Variants in NEK10 observed in about 807,000 individuals in gnomAD.
NEK10 encodes serine/threonine-protein kinase Nek10.
A neutral mutation model predicts 159.8 loss-of-function variants in NEK10; 122 were observed. The observed-to-expected ratio is 0.76, with a 90% confidence interval of 0.66 to 0.89. The LOEUF (loss-of-function observed/expected upper bound fraction) is 0.89. NEK10 is among the 40% of genes least tolerant of loss of function. The pLI is 0.00. For synonymous variants in NEK10, 466 were observed against 457.1 expected (o/e 1.02, Z -0.25); for missense variants, 1,342 against 1,323.1 (o/e 1.01, Z -0.22).
intron 29 of NEK10, among the ~76,000 whole-genome samples, chr3:27,164,313 T>C (rs147033039): frequency 1.4e-4 from 22 of 152,322 alleles, no homozygotes; most frequent in African/African-American, 5.3e-4. Flanking sequence ...CAGTTCCTTG[T>C]ATGCCTGCAC....
intron 22 of NEK10, among the ~76,000 whole-genome samples, chr3:27,262,153 A>T (rs989298516): frequency 1.3e-5 from 2 of 152,104 alleles, no homozygotes; most frequent in African/African-American, 4.8e-5. Context: ...AATGTTGAAT[A>T]TTGGCCCCAA....
At chr3:27,198,659 A>G (rs778500343) in intron 25 of NEK10, among the ~76,000 whole-genome samples, 45 of 152,242 alleles carry the variant, frequency 3.0e-4, no homozygotes, top group Non-Finnish European at 1.5e-4. Flanking sequence ...CTCAAGACAG[A>G]TTAAAGACTT....
Position 27,203,143 on chromosome 3 carries a change from A to G in NEK10, c.2091-586T>C, listed in dbSNP as rs145117821. Among the ~76,000 whole-genome samples, 704 of 152,274 alleles carry G rather than the reference A, an allele frequency of 4.6e-3. 3 individuals carry two copies. Among genetic ancestry groups the G allele is most frequent in the Non-Finnish European group, 7.0e-3 (478 of 68,014 alleles). On this transcript the variant is annotated intron_variant, in intron 23 of 35. Transcript: ENST00000691995. ...CTGGGCCCAGCATAAGACACACAGA[A>G]CCAGTCTGCCCCCAGACAACCCATA...
At chr3:27,250,539 T>C (rs1955545572) in intron 23 of NEK10, among the ~76,000 whole-genome samples, 1 of 152,184 alleles carries the variant, frequency 6.6e-6, no homozygotes, top group Non-Finnish European at 1.5e-5. Flanking sequence ...TTCTTATTCC[T>C]CATTAATGCC....
At position 27,109,945 on chromosome 3, in the gene NEK10, G is replaced by A. The variant is rs538709453; in HGVS notation, c.*1327C>T. 1 of 152,264 alleles carries A rather than the reference G, an allele frequency of 6.6e-6. No homozygotes were observed. The highest frequency in any genetic ancestry group is 2.1e-4 in the South Asian group (1 of 4,824). The allele number at this position is 152,264 out of a possible 1,614,324, so 9.4% of individuals were successfully genotyped here. On this transcript the variant is annotated 3_prime_UTR_variant, in exon 36 of 36. Coordinates refer to ENST00000691995, the MANE Select transcript of NEK10 (RefSeq NM_001394966.1). ...TGGATATAATTTAAGTATTAAATAT[G>A]CTCATTTAAAAATAGTGTAGATTTT...
At chr3:27,311,768 A>G in intron 8 of NEK10, 1 of 280,122 alleles carries the variant, frequency 3.6e-6, no homozygotes, top group Non-Finnish European at 6.7e-6. Flanking sequence ...ATCATGATTA[A>G]CCCAACTTTA....
At chr3:27,229,819 A>G (rs1953044206) in intron 23 of NEK10, among the ~76,000 whole-genome samples, 1 of 152,092 alleles carries the variant, frequency 6.6e-6, no homozygotes, top group African/African-American at 2.4e-5. Flanking sequence ...TCAGTCAAAG[A>G]TAAAGAAAAA....
chr3:27,255,106 T>C (rs564252990), intron 23 of NEK10: 6 of 161,654 alleles, frequency 3.7e-5, no homozygotes, highest in Non-Finnish European at 8.3e-5. Flanking sequence ...TATGATTACT[T>C]GACACTTTTA....
At chr3:27,309,136 G>T in intron 9 of NEK10, 131 bp from the exon 10 acceptor site, 4 of 457,294 alleles carry the variant, frequency 8.7e-6, no homozygotes, top group Admixed American at 4.0e-5. Flanking sequence ...GATCATATAG[G>T]CTTAACTGTT....
intron 23 of NEK10, among the ~76,000 whole-genome samples, chr3:27,220,191 T>A (rs770053219): frequency 6.6e-6 from 1 of 152,246 alleles, no homozygotes; most frequent in African/African-American, 2.4e-5. Context: ...TTCAGTGGTT[T>A]AGAACACACA....
chr3:27,221,441 A>G (rs540987421), intron 23 of NEK10, among the ~76,000 whole-genome samples: 118 of 152,384 alleles, frequency 7.7e-4, no homozygotes, highest in African/African-American at 2.3e-3. Flanking sequence ...ATGATCCAAA[A>G]GACAGATTAA....
chr3:27,284,940 A>G lies in NEK10; in HGVS notation c.1811T>C (p.Met604Thr), dbSNP rs769418963. The stretch of plus-strand genomic sequence containing the variant: ...AAGCGGGGCTCCTTCTATCAGCTCC[A>G]TAACTATGTACAACCTATCATCTAT... ...FLENDRLYIV[M>T]ELIEGAPLGE... Residue 604 changes from methionine (M) to threonine (T), a missense_variant, in exon 21 of 36, where the codon ATG (methionine) becomes ACG (threonine). By Grantham distance (81) the Met-to-Thr change is moderately conservative (BLOSUM62 -1). Transcript: ENST00000691995. The G allele has an allele frequency of 3.7e-6, 6 of 1,606,988 alleles. No individual in the cohort carries two copies. Among genetic ancestry groups the G allele is most frequent in the Admixed American group, 1.7e-5 (1 of 59,678 alleles).
At chr3:27,312,998 AG>A (rs1302137633) in intron 7 of NEK10, among the ~76,000 whole-genome samples, 3 of 152,062 alleles carry the variant, frequency 2.0e-5, no homozygotes, top group Non-Finnish European at 2.9e-5. Context: ...AACATTATAC[AG>A]GTTTTAGGAG....
intron 22 of NEK10, among the ~76,000 whole-genome samples, chr3:27,264,705 A>G (rs942909242): frequency 1.3e-5 from 2 of 152,144 alleles, no homozygotes; most frequent in African/African-American, 2.4e-5. Context: ...CACCCTGGCC[A>G]ACATGGGGAT....
intron 5 of NEK10, among the ~76,000 whole-genome samples, chr3:27,331,958 A>C (rs1383105124): frequency 6.6e-6 from 1 of 152,170 alleles, no homozygotes; most frequent in Non-Finnish European, 1.5e-5. Flanking sequence ...ATTTTTTTGC[A>C]AATAAGGTCA....
At chr3:27,211,913 T>C (rs1323514313) in intron 23 of NEK10, among the ~76,000 whole-genome samples, 1 of 152,266 alleles carries the variant, frequency 6.6e-6, no homozygotes. Context: ...TAAACTGTTC[T>C]GTGGCCTTAA....
chr3:27,301,663 A>T, intron 13 of NEK10, 33 bp downstream of exon 13: 1 of 1,426,604 alleles, frequency 7.0e-7, no homozygotes, highest in Non-Finnish European at 9.7e-7. Flanking sequence ...AACACAATAA[A>T]TTATAGCATA....
At position 27,291,572 on chromosome 3, in the gene NEK10, T is replaced by C. The variant is rs1213918748; in HGVS notation, c.1388A>G (p.Asp463Gly). 1.3e-6 allele frequency: 2 copies of C among 1,595,968 alleles called. No individual in the cohort carries two copies. Among genetic ancestry groups the C allele is most frequent in the Admixed American group, 1.7e-5 (1 of 59,978 alleles). ...RPLFKRLFPTDLFEIFIDIGH... is the reference protein window; with the variant it reads ...RPLFKRLFPTGLFEIFIDIGH... The stretch of plus-strand genomic sequence containing the variant: ...TATGTCAATGAAGATCTCAAACAAG[T>C]CTGTGGGGAAAAGTCTACAGAGAAT... Residue 463 changes from aspartate (D) to glycine (G), a missense_variant, in exon 17 of 36, where the codon GAC becomes GGC. Physicochemically the swap from Asp to Gly is moderately conservative, Grantham distance 94 (BLOSUM62 -1). Transcript: ENST00000691995.
chr3:27,363,689 C>G (rs1174966823), intron 1 of NEK10: 1 of 152,134 alleles, frequency 6.6e-6, no homozygotes, highest in African/African-American at 2.4e-5. Flanking sequence ...TGGACTACCT[C>G]AAGTATACAT....
Sources: gnomAD v4.1 joint callset for allele counts (sites outside exome capture counted in the v4.1 genomes callset) on GRCh38, gnomAD v4.1.1 for gene constraint, MANE v1.5 for transcripts, NCBI Gene and HGNC (gene_info 2026-07-23, HGNC 2026-07-21) for gene names.